The following DYNC1I1 variants were observed in gnomAD, a reference collection of about 807,000 sequenced individuals.
The protein encoded by DYNC1I1 is dynein cytoplasmic 1 intermediate chain 1, also known as cytoplasmic dynein 1 intermediate chain 1.
DYNC1I1 carries 43 observed loss-of-function variants against 86.6 expected under a neutral mutation model. The ratio of observed to expected loss-of-function variants is 0.50; its 90% CI spans 0.39 to 0.64. DYNC1I1 has a LOEUF of 0.64. DYNC1I1 is among the 30% of genes least tolerant of loss of function. The probability of loss-of-function intolerance (pLI) is 0.00; values close to 1 mark genes in which losing one functional copy is unlikely to be tolerated. For synonymous variants in DYNC1I1, 262 were observed against 283.7 expected, an observed-to-expected ratio of 0.92 and a Z score of 0.77; for missense variants, 604 against 788.8, an observed-to-expected ratio of 0.77 and a Z score of 2.81.
At chr7:95,896,219 AAGAGCCCT>A (rs2116289621) in intron 6 of DYNC1I1, among the ~76,000 whole-genome samples, 1 of 152,254 alleles carries the variant, frequency 6.6e-6, no homozygotes, top group East Asian at 1.9e-4. Context: ...TTGCTCGGTG[AAGAGCCCT>A]GAGCCCTAAG....
chr7:95,813,405 C>CCA, intron 4 of DYNC1I1, 68 bp downstream of exon 4: 6 of 1,496,132 alleles, frequency 4.0e-6, no homozygotes, highest in Non-Finnish European at 3.6e-6. Context: ...AGCAACAACA[C>CCA]CACTGTTAGA....
At chr7:96,038,182 T>C (rs527471542) in intron 13 of DYNC1I1, among the ~76,000 whole-genome samples, 1 of 152,338 alleles carries the variant, frequency 6.6e-6, no homozygotes, top group African/African-American at 2.4e-5. Context: ...ACTTTGCTCA[T>C]GATTCCAAAT....
At chr7:95,799,380 G>A (rs1456920614) in intron 1 of DYNC1I1, among the ~76,000 whole-genome samples, 3 of 151,550 alleles carry the variant, frequency 2.0e-5, no homozygotes. Context: ...CTCTGTCCCA[G>A]AAAAAAAAGA....
rs118103563 is a variant in DYNC1I1, at chr7:95,806,373, A to G, written c.108+1536A>G. 9.2e-3 allele frequency among the ~76,000 whole-genome samples: 1,397 copies of G among 152,308 alleles called. 16 individuals are homozygous for G. Among genetic ancestry groups the G allele is most frequent in the Non-Finnish European group, 0.015 (1,044 of 68,026 alleles). On this transcript the variant is annotated intron_variant, in intron 2 of 16. Transcript: ENST00000447467. Reference sequence around the variant, plus strand: ...TCATTTTACACATTTTGGGGAAATTACAGGCAAACTAGACTGATGGAAGCA... The same window carrying G: ...TCATTTTACACATTTTGGGGAAATTGCAGGCAAACTAGACTGATGGAAGCA...
At position 95,780,050 on chromosome 7, in the gene DYNC1I1, G is replaced by T. The variant is rs887228677; in HGVS notation, c.-10+7277G>T. Among the ~76,000 whole-genome samples, 4 of 152,066 alleles carry T rather than the reference G, an allele frequency of 2.6e-5. No homozygotes were observed. The South Asian group carries it at 8.3e-4, about 32-fold the overall frequency. On this transcript the variant is annotated intron_variant, in intron 1 of 16. Transcript: ENST00000447467. Reference sequence around the variant, plus strand: ...AGGCTAATCCTTTTCGTCTGGCTTTGGTCTGACACTGTCCGATGAGCAGTC... The same window carrying T: ...AGGCTAATCCTTTTCGTCTGGCTTTTGTCTGACACTGTCCGATGAGCAGTC...
chr7:96,052,329 A>C (rs1440250170), intron 14 of DYNC1I1, among the ~76,000 whole-genome samples: 4 of 152,110 alleles, frequency 2.6e-5, no homozygotes, highest in African/African-American at 9.7e-5. Context: ...AGAAAGCAGA[A>C]GTTTGAAGGA....
chr7:95,787,363 A>G (rs1214170675), intron 1 of DYNC1I1, among the ~76,000 whole-genome samples: 1 of 152,150 alleles, frequency 6.6e-6, no homozygotes, highest in Non-Finnish European at 1.5e-5. Flanking sequence ...GCATTGAAAA[A>G]TCAAGCTGGT....
At chr7:95,880,625 A>G (rs1239302974) in intron 6 of DYNC1I1, among the ~76,000 whole-genome samples, 1 of 146,904 alleles carries the variant, frequency 6.8e-6, no homozygotes. Context: ...TTTCTTCATA[A>G]CCTACATCTT....
rs118087668 is a variant in DYNC1I1 at position 96,084,959 on chromosome 7, G to T, written c.1776+4471G>T. Among the ~76,000 whole-genome samples the T allele has an allele frequency of 5.1e-3, 770 of 152,220 alleles. 17 individuals carry two copies. The highest frequency in any genetic ancestry group is 0.033 in the Admixed American group (504 of 15,294). Reference sequence around the variant, plus strand: ...GAGTGGAGCGGGACAGGCTTTCTCTGTCCACACCATTGTTGAGAACTCCCT... The same window carrying T: ...GAGTGGAGCGGGACAGGCTTTCTCTTTCCACACCATTGTTGAGAACTCCCT... On this transcript the variant is annotated intron_variant, in intron 16 of 16. Coordinates refer to ENST00000447467, the MANE Select transcript of DYNC1I1 (RefSeq NM_001135556.2).
At chr7:95,890,591 A>C (rs1441586549) in intron 6 of DYNC1I1, among the ~76,000 whole-genome samples, 1 of 152,208 alleles carries the variant, frequency 6.6e-6, no homozygotes, top group Non-Finnish European at 1.5e-5. Context: ...CTAAAATAAA[A>C]GTTTAAAAAA....
At chr7:95,947,202 G>A (rs1792426780) in intron 6 of DYNC1I1, among the ~76,000 whole-genome samples, 1 of 152,170 alleles carries the variant, frequency 6.6e-6, no homozygotes, top group Non-Finnish European at 1.5e-5. Context: ...AAAATACCTA[G>A]CGCAGTGAGT....
At chr7:95,870,975 A>G (rs1007488408) in intron 6 of DYNC1I1, among the ~76,000 whole-genome samples, 2 of 152,134 alleles carry the variant, frequency 1.3e-5, no homozygotes, top group African/African-American at 4.8e-5. Flanking sequence ...CCTTGTTGCT[A>G]TGTAGTAAGT....
At chr7:96,098,525 C>A, downstream of DYNC1I1, 1 of 741,716 alleles carries the variant, frequency 1.3e-6, no homozygotes, top group Non-Finnish European at 1.6e-6. Flanking sequence ...ATGTTAAAGA[C>A]TGATCATGAA....
At chr7:95,910,358 A>T (rs890011841) in intron 6 of DYNC1I1, among the ~76,000 whole-genome samples, 2 of 152,190 alleles carry the variant, frequency 1.3e-5, no homozygotes, top group African/African-American at 4.8e-5. Context: ...ATTAACTGGC[A>T]TTCAGGACTT....
intron 6 of DYNC1I1, among the ~76,000 whole-genome samples, chr7:95,901,830 A>C (rs548751509): frequency 6.6e-6 from 1 of 152,332 alleles, no homozygotes; most frequent in East Asian, 1.9e-4. Flanking sequence ...TTAGGCTAAA[A>C]GACCAGCCAT....
rs570679272 is a variant in DYNC1I1 at position 95,940,586 on chromosome 7, G to A, written c.491-36926G>A. On this transcript the variant is annotated intron_variant, in intron 6 of 16. Coordinates refer to ENST00000447467, the MANE Select transcript of DYNC1I1 (RefSeq NM_001135556.2). ...CTGATACCCTTTCTTCCAGTTGATC[G>A]CATCAGCTCCTGAGGCTTCTGCATT... Among the ~76,000 whole-genome samples the A allele has an allele frequency of 2.9e-3, 437 of 152,006 alleles. 6 individuals carry two copies. The highest frequency in any genetic ancestry group is 9.9e-3 in the African/African-American group (412 of 41,458).
chr7:95,939,775 T>C (rs1310865878), intron 6 of DYNC1I1, among the ~76,000 whole-genome samples: 1 of 152,212 alleles, frequency 6.6e-6, no homozygotes, highest in Non-Finnish European at 1.5e-5. Flanking sequence ...TTTCTTTTAA[T>C]TGGAGAATTT....
chr7:95,869,830 C>G (rs1362809019), intron 5 of DYNC1I1, 53 bp from the exon 6 acceptor site: 1 of 1,528,446 alleles, frequency 6.5e-7, no homozygotes, highest in Non-Finnish European at 9.0e-7. Context: ...ACTGATAGCT[C>G]TTCTGCAAGG....
chr7:95,907,930 A>G (rs554256927), intron 6 of DYNC1I1, among the ~76,000 whole-genome samples: 1 of 152,320 alleles, frequency 6.6e-6, no homozygotes, highest in South Asian at 2.1e-4. Context: ...AATAAATAGA[A>G]TGAAAACAAT....
Sources: allele counts gnomAD v4.1 joint callset (sites outside exome capture counted in the v4.1 genomes callset), GRCh38; gene constraint gnomAD v4.1.1; transcripts MANE v1.5; gene names NCBI Gene and HGNC (gene_info 2026-07-23, HGNC 2026-07-21).